MRPL15: variants seen among roughly 807,000 people sequenced by gnomAD.
MRPL15 encodes the protein large ribosomal subunit protein uL15m.
MRPL15 carries 24 observed loss-of-function variants against 28.0 expected under a neutral mutation model. The observed-to-expected ratio is 0.86, with a 90% CI of 0.62 to 1.21. The LOEUF is 1.21. MRPL15 is among the 50% of genes most tolerant of loss of function. The probability of loss-of-function intolerance (pLI) is 0.00; values close to 1 mark genes in which losing one functional copy is unlikely to be tolerated. For synonymous variants in MRPL15, 124 were observed against 137.0 expected (o/e 0.90, Z 0.66); for missense variants, 343 against 372.4 (o/e 0.92, Z 0.65).
chr8:54,143,543 C>T (rs1810969053), intron 4 of MRPL15, among the ~76,000 whole-genome samples: 1 of 152,214 alleles, frequency 6.6e-6, no homozygotes, highest in Non-Finnish European at 1.5e-5. Flanking sequence ...ACTTCTCCAG[C>T]TACTGCCAGT....
At chr8:54,142,259 A>G (rs1344705893) in intron 3 of MRPL15, among the ~76,000 whole-genome samples, 2 of 152,084 alleles carry the variant, frequency 1.3e-5, no homozygotes, top group African/African-American at 4.8e-5. Flanking sequence ...GGTTCAAGCG[A>G]TTCTCCCACC....
intron 1 of MRPL15, 40 bp from the exon 2 acceptor site, chr8:54,136,471 A>G: frequency 6.3e-7 from 1 of 1,582,208 alleles, no homozygotes; most frequent in Non-Finnish European, 8.6e-7. Flanking sequence ...GTTTTTAGAA[A>G]TGCATCTGAA....
intron 3 of MRPL15, 50 bp downstream of exon 3, chr8:54,137,483 A>T: frequency 1.3e-6 from 2 of 1,542,678 alleles, no homozygotes; most frequent in Non-Finnish European, 1.8e-6. Context: ...TTTTTTTTTT[A>T]GACAGAGTCT....
At position 54,142,706 on chromosome 8, in the gene MRPL15, T is replaced by C. The variant is rs146739374; in HGVS notation, c.473T>C (p.Leu158Ser). 5.7e-4 allele frequency: 927 copies of C among 1,614,184 alleles called. 2 individuals carry two copies. The highest frequency in any genetic ancestry group is 4.7e-4 in the Non-Finnish European group (553 of 1,180,018). ...FTAKVNIEVQ[L>S]ASELAIAAIE... Reference sequence around the variant, plus strand: ...GCAAAAGTTAATATTGAAGTACAGTTGGCTTCAGAACTAGCTATTGCTGCC... The same window carrying C: ...GCAAAAGTTAATATTGAAGTACAGTCGGCTTCAGAACTAGCTATTGCTGCC... The change falls in exon 4 of 5, where the codon TTG becomes TCG. Residue 158 changes from leucine to serine, a missense_variant. Coordinates refer to ENST00000260102, the MANE Select transcript of MRPL15 (RefSeq NM_014175.4).
At chr8:54,136,702 A>C (rs750021192) in intron 2 of MRPL15, 37 bp downstream of exon 2, 5 of 1,553,676 alleles carry the variant, frequency 3.2e-6, no homozygotes, top group Non-Finnish European at 3.5e-6. Context: ...CAGGTCCCCA[A>C]TTTCCATTAA....
intron 4 of MRPL15, among the ~76,000 whole-genome samples, chr8:54,143,802 C>T (rs1346740113): frequency 6.6e-6 from 1 of 152,200 alleles, no homozygotes; most frequent in African/African-American, 2.4e-5. Flanking sequence ...CGGGTTTGGC[C>T]TTCCTCCATA....
chr8:54,142,901 C>T, intron 4 of MRPL15, 115 bp downstream of exon 4: 1 of 1,351,390 alleles, frequency 7.4e-7, no homozygotes, highest in African/African-American at 1.5e-5. Context: ...TAGTATTGAT[C>T]TACATCTACC....
chr8:54,145,809 T>C (rs1811036487), intron 4 of MRPL15, among the ~76,000 whole-genome samples: 1 of 152,226 alleles, frequency 6.6e-6, no homozygotes, highest in Non-Finnish European at 1.5e-5. Flanking sequence ...AGATACTTTC[T>C]TGATGATTCA....
chr8:54,142,751 T>G lies in MRPL15; in HGVS notation c.518T>G (p.Val173Gly), dbSNP rs149906233. The G allele has an allele frequency of 1.2e-4, 197 of 1,614,060 alleles. No homozygotes were observed. In the Middle Eastern group the frequency reaches 2.0e-3, roughly 16 times the overall value. Residue 173 changes from valine (V) to glycine (G), a missense_variant, in exon 4 of 5, where the codon GTT becomes GGT. Transcript: ENST00000260102. ...GCTGCCATTGAAAAAAATGGTGGTG[T>G]TGTTACTACAGCCTTCTATGATCCA... The part of the protein sequence containing the change: ...AIAAIEKNGG[V>G]VTTAFYDPRS...
chr8:54,142,735 G>A lies in MRPL15; in HGVS notation c.502G>A (p.Glu168Lys). The change falls in exon 4 of 5, where the codon GAA (glutamate) becomes AAA (lysine). Residue 168 changes from glutamate to lysine, a missense_variant. Physicochemically the swap from Glu to Lys is moderately conservative, Grantham distance 56. Transcript: ENST00000260102. ...TTCAGAACTAGCTATTGCTGCCATT[G>A]AAAAAAATGGTGGTGTTGTTACTAC... ...LASELAIAAI[E>K]KNGGVVTTAF... 6.2e-7 allele frequency: 1 copy of A among 1,613,952 alleles called. No individual in the cohort carries two copies. The highest frequency in any genetic ancestry group is 8.5e-7 in the Non-Finnish European group (1 of 1,179,964).
chr8:54,140,455 GT>G (rs1332013546), intron 3 of MRPL15, among the ~76,000 whole-genome samples: 1 of 150,814 alleles, frequency 6.6e-6, no homozygotes, highest in Non-Finnish European at 1.5e-5. Flanking sequence ...TAGAGATGGG[GT>G]TTTACCATGT....
In MRPL15 at chr8:54,137,367, T is replaced by A; in HGVS notation, c.363T>A (p.Leu121=). 1 of 1,614,072 alleles carries A rather than the reference T, an allele frequency of 6.2e-7. No homozygotes were observed. Among genetic ancestry groups the A allele is most frequent in the Non-Finnish European group, 8.5e-7 (1 of 1,179,986 alleles). Residue 121 remains leucine, a synonymous_variant, in exon 3 of 5, where the codon CTT becomes CTA. Coordinates refer to ENST00000260102, the MANE Select transcript of MRPL15 (RefSeq NM_014175.4). ...GTCAACCTATTGACTTAACCCAGCT[T>A]GTCAATGGGAGAGGTGTGACCATCC... ...DPSQPIDLTQ[L]VNGRGVTIQP... is the part of the protein sequence containing the mutation.
At chr8:54,143,972 TACACAC>T (rs1384761014) in intron 4 of MRPL15, among the ~76,000 whole-genome samples, 2 of 152,256 alleles carry the variant, frequency 1.3e-5, no homozygotes, top group African/African-American at 4.8e-5. Flanking sequence ...AGAGCATATG[TACACAC>T]ATGCACATGC....
chr8:54,137,315 T>G lies in MRPL15; in HGVS notation c.311T>G (p.Leu104Arg), dbSNP rs1810840681. 1.2e-6 allele frequency: 2 copies of G among 1,614,042 alleles called. No individual in the cohort carries two copies. Among genetic ancestry groups the G allele is most frequent in the Non-Finnish European group, 1.7e-6 (2 of 1,179,966 alleles). ...TTGAGTCTCAATAGACTGCAGTATC[T>G]TATTGATTTGGGTCGTGTTGATCCT... ...KPLSLNRLQY[L>R]IDLGRVDPSQ... Residue 104 changes from leucine to arginine, a missense_variant, in exon 3 of 5, where the codon CTT becomes CGT. Physicochemically the swap from Leu to Arg is moderately radical, Grantham distance 102 (BLOSUM62 -2). Coordinates refer to ENST00000260102, the MANE Select transcript of MRPL15 (RefSeq NM_014175.4).
chr8:54,136,685 TA>T lies in MRPL15; in HGVS notation c.263+23del. The T allele has an allele frequency of 6.2e-7, 1 of 1,601,416 alleles. No homozygotes were observed. Among genetic ancestry groups the T allele is most frequent in the Non-Finnish European group, 8.5e-7 (1 of 1,172,924 alleles). The stretch of plus-strand genomic sequence containing the variant: ...ACATAGGTAAGGTTGCTTTGCTTTT[TA>T]AAGTACAGGTCCCCAATTTCCATTA... On this transcript the variant is annotated intron_variant, in intron 2 of 4. Coordinates refer to ENST00000260102, the MANE Select transcript of MRPL15 (RefSeq NM_014175.4).
rs1311436579 is a variant in MRPL15 at position 54,137,157 on chromosome 8, TGTTTA to T, written c.264-107_264-103del. On this transcript the variant is annotated intron_variant, in intron 2 of 4. Transcript: ENST00000260102. ...GTTTGTGTTACACTCAAGAGGGTTT[TGTTTA>T]GTTAAATAAAATTGGTGGAGGAAAA... is the stretch of plus-strand genomic sequence containing the variant. 18 of 1,099,914 alleles carry T rather than the reference TGTTTA, an allele frequency of 1.6e-5. No homozygotes were observed. In the East Asian group the frequency reaches 4.3e-4, roughly 26 times the overall value. 68.1% of individuals were successfully genotyped at this position (1,099,914 alleles called of 1,614,324 possible).
At chr8:54,137,466 A>G (rs1246629406) in intron 3 of MRPL15, 33 bp downstream of exon 3, 6 of 1,599,888 alleles carry the variant, frequency 3.8e-6, no homozygotes, top group Admixed American at 1.7e-5. Context: ...GGTGTTATAT[A>G]GGAGGATTTT....
chr8:54,140,616 C>T (rs1291403058), intron 3 of MRPL15, among the ~76,000 whole-genome samples: 2 of 140,710 alleles, frequency 1.4e-5, no homozygotes, highest in Non-Finnish European at 3.0e-5. Flanking sequence ...CTCTGTCACC[C>T]AGGCTGGAGT....
At chr8:54,142,872 G>A (rs764956175) in intron 4 of MRPL15, 86 bp downstream of exon 4, 1 of 1,541,958 alleles carries the variant, frequency 6.5e-7, no homozygotes, top group Non-Finnish European at 8.9e-7. Context: ...AATGGCAAAT[G>A]TTGGTAGTAG....
Sources: allele counts gnomAD v4.1 joint callset (sites outside exome capture counted in the v4.1 genomes callset), GRCh38; gene constraint gnomAD v4.1.1; transcripts MANE v1.5; gene names NCBI Gene and HGNC (gene_info 2026-07-23, HGNC 2026-07-21).